NEK7: variants seen among roughly 807,000 people sequenced by gnomAD.
NEK7 encodes the protein serine/threonine-protein kinase Nek7.
Under a neutral mutation model 44.6 loss-of-function variants are expected in NEK7, and 18 were observed. The ratio of observed to expected loss-of-function variants is 0.40; its 90% confidence interval spans 0.28 to 0.60. NEK7 has a LOEUF of 0.60. Among genes scored for constraint, NEK7 ranks in the 20% least tolerant of loss-of-function variants. NEK7 has a pLI of 0.38. For missense variants in NEK7, 256 were observed against 366.5 expected, an observed-to-expected ratio of 0.70 and a Z score of 2.46; for synonymous variants, 130 against 121.1, an observed-to-expected ratio of 1.07 and a Z score of -0.48.
At chr1:198,269,366 G>A (rs899046360) in intron 5 of NEK7, among the ~76,000 whole-genome samples, 2 of 151,954 alleles carry the variant, frequency 1.3e-5, no homozygotes, top group Non-Finnish European at 1.5e-5. Flanking sequence ...ATTTTTTTAC[G>A]GGAGTGGGGT....
At chr1:198,251,013 G>A (rs1057046219) in intron 2 of NEK7, among the ~76,000 whole-genome samples, 7 of 151,990 alleles carry the variant, frequency 4.6e-5, no homozygotes, top group Admixed American at 2.0e-4. Context: ...TATTGGCTGT[G>A]GGTTTGTCAT....
chr1:198,279,857 G>T (rs186188411), intron 7 of NEK7, among the ~76,000 whole-genome samples: 20 of 152,008 alleles, frequency 1.3e-4, no homozygotes, highest in African/African-American at 4.8e-4. Context: ...AAGGTTCCGT[G>T]TGGCCTTGAA....
intron 2 of NEK7, among the ~76,000 whole-genome samples, chr1:198,233,745 CTTT>C (rs71133919): frequency 2.5e-5 from 3 of 121,918 alleles, no homozygotes; most frequent in African/African-American, 6.2e-5. Context: ...CTATGGGATC[CTTT>C]TTTTTTTTTT....
At position 198,315,091 on chromosome 1, in the gene NEK7, A is replaced by T. The variant is rs538163722; in HGVS notation, c.799-4321A>T. Among the ~76,000 whole-genome samples, 197 of 152,242 alleles carry T rather than the reference A, an allele frequency of 1.3e-3. 2 individuals carry two copies. The highest frequency in any genetic ancestry group is 4.6e-3 in the African/African-American group (190 of 41,542). ...CTGTGCTAGCAATCAGGGAGACTCC[A>T]TGGGCGTAGGACCCTCCGAGCCAGA... On this transcript the variant is annotated intron_variant, in intron 9 of 9. Transcript: ENST00000367385.
In NEK7 at chr1:198,267,556, G is replaced by T. The variant is rs12062291; in HGVS notation, c.372+3321G>T. 2.0e-5 allele frequency among the ~76,000 whole-genome samples: 3 copies of T among 152,102 alleles called. No homozygotes were observed. The East Asian group carries it at 5.8e-4, about 29-fold the overall frequency. ...CCTCCCAGGTTCAAGCAATTCTCCT[G>T]TCTCTGCCTCCCTAGTAGCTAGGAC... On this transcript the variant is annotated intron_variant, in intron 5 of 9. Transcript: ENST00000367385.
chr1:198,177,743 G>C (rs1001641334), intron 1 of NEK7, among the ~76,000 whole-genome samples: 1 of 152,060 alleles, frequency 6.6e-6, no homozygotes, highest in Non-Finnish European at 1.5e-5. Flanking sequence ...CAGTTCCTCA[G>C]CTAACCTCGG....
intron 1 of NEK7, among the ~76,000 whole-genome samples, chr1:198,225,554 C>G (rs1450794956): frequency 6.6e-6 from 1 of 152,112 alleles, no homozygotes; most frequent in African/African-American, 2.4e-5. Flanking sequence ...TCTCTCTCAG[C>G]TACTTAAAAC....
intron 5 of NEK7, among the ~76,000 whole-genome samples, chr1:198,277,506 A>G (rs149473645): frequency 5.7e-4 from 87 of 152,004 alleles, no homozygotes; most frequent in African/African-American, 4.1e-4. Context: ...TTAATTTTTA[A>G]TAAATTATGA....
chr1:198,162,212 C>G (rs558158042), intron 1 of NEK7, among the ~76,000 whole-genome samples: 1 of 152,290 alleles, frequency 6.6e-6, no homozygotes, highest in South Asian at 2.1e-4. Context: ...ACACAGTACA[C>G]TTTCTCAGCT....
At chr1:198,258,418 A>G (rs1374336137) in intron 3 of NEK7, among the ~76,000 whole-genome samples, 1 of 152,166 alleles carries the variant, frequency 6.6e-6, no homozygotes, top group Non-Finnish European at 1.5e-5. Context: ...CAGCCTGGAG[A>G]CAAAGCAAGA....
In NEK7 at chr1:198,198,412, A is replaced by T. The variant is rs1422180945; in HGVS notation, c.-28-34141A>T. Among the ~76,000 whole-genome samples, 3 of 152,122 alleles carry T rather than the reference A, an allele frequency of 2.0e-5. No homozygotes were observed. The East Asian group carries it at 5.8e-4, about 29-fold the overall frequency. The stretch of plus-strand genomic sequence containing the variant: ...ACTGATGGGACCTGTGTATCCTATG[A>T]GGTAGAAGCGCCTGTATTGTCTTCA... On this transcript the variant is annotated intron_variant, in intron 1 of 9. Transcript: ENST00000367385.
intron 1 of NEK7, among the ~76,000 whole-genome samples, chr1:198,208,142 T>A (rs1436841509): frequency 6.6e-6 from 1 of 152,238 alleles, no homozygotes; most frequent in Non-Finnish European, 1.5e-5. Flanking sequence ...GAGGTCATTT[T>A]GATTCTGCCT....
intron 1 of NEK7, among the ~76,000 whole-genome samples, chr1:198,225,278 C>A (rs1009029437): frequency 3.4e-5 from 5 of 148,634 alleles, no homozygotes; most frequent in African/African-American, 1.2e-4. Flanking sequence ...AAATTCAGGT[C>A]TTGGAGCACT....
At chr1:198,203,460 G>A (rs1422043882) in intron 1 of NEK7, among the ~76,000 whole-genome samples, 1 of 152,338 alleles carries the variant, frequency 6.6e-6, no homozygotes, top group East Asian at 1.9e-4. Flanking sequence ...AAAGGTTTGA[G>A]AAGCAATACA....
At chr1:198,222,461 C>G (rs967646868) in intron 1 of NEK7, among the ~76,000 whole-genome samples, 3 of 152,138 alleles carry the variant, frequency 2.0e-5, no homozygotes, top group Non-Finnish European at 4.4e-5. Context: ...TCATTCTGTA[C>G]TTTGTCCTTC....
At chr1:198,297,067 A>G in intron 8 of NEK7, 60 bp from the exon 9 acceptor site, 5 of 1,083,706 alleles carry the variant, frequency 4.6e-6, no homozygotes, top group Middle Eastern at 2.0e-4. Flanking sequence ...AATATACTTG[A>G]TGAAATCACC....
chr1:198,200,108 T>A (rs751462042), intron 1 of NEK7, among the ~76,000 whole-genome samples: 1 of 152,244 alleles, frequency 6.6e-6, no homozygotes, highest in Non-Finnish European at 1.5e-5. Flanking sequence ...TTTCAATGCA[T>A]CTTTGACCTA....
intron 1 of NEK7, among the ~76,000 whole-genome samples, chr1:198,175,398 T>C (rs1474949476): frequency 1.3e-5 from 2 of 152,316 alleles, no homozygotes; most frequent in East Asian, 3.9e-4. Flanking sequence ...TAATTCATAC[T>C]AATGAAAGTA....
At chr1:198,279,894 TAAAACAGTACCTAAAA>T (rs1365354819) in intron 7 of NEK7, among the ~76,000 whole-genome samples, 2 of 152,000 alleles carry the variant, frequency 1.3e-5, no homozygotes, top group Non-Finnish European at 2.9e-5. Context: ...TCTATATTTC[TAAAACAGTACCTAAAA>T]CGTAAGTAGG....
Sources: gnomAD v4.1 joint callset for allele counts (sites outside exome capture counted in the v4.1 genomes callset) on GRCh38, gnomAD v4.1.1 for gene constraint, MANE v1.5 for transcripts, NCBI Gene and HGNC (gene_info 2026-07-23, HGNC 2026-07-21) for gene names.